The following CEP57L1 variants were observed in gnomAD, a reference collection of about 807,000 sequenced individuals.
CEP57L1 encodes centrosomal protein CEP57L1.
Under a neutral mutation model 61.0 loss-of-function variants are expected in CEP57L1, and 37 were observed. The ratio of observed to expected loss-of-function variants is 0.61; its 90% CI spans 0.47 to 0.80. CEP57L1 has a LOEUF of 0.80. Ranked by LOEUF, CEP57L1 falls within the 30% of genes least tolerant of loss-of-function variation. CEP57L1 has a pLI of 0.00. For synonymous variants in CEP57L1, 137 were observed against 162.3 expected (o/e 0.84, Z 1.19); for missense variants, 422 against 524.7 (o/e 0.80, Z 1.91).
intron 1 of CEP57L1, among the ~76,000 whole-genome samples, chr6:109,122,717 A>C (rs1313688627): frequency 6.6e-6 from 1 of 152,040 alleles, no homozygotes; most frequent in Non-Finnish European, 1.5e-5. Context: ...CAAGAGAATC[A>C]CTTGAACCCA....
At chr6:109,127,525 C>T (rs547741361) in intron 1 of CEP57L1, among the ~76,000 whole-genome samples, 104 of 152,062 alleles carry the variant, frequency 6.8e-4, no homozygotes, top group African/African-American at 2.4e-3. Context: ...TTCCCCACTT[C>T]TCTTAACATT....
chr6:109,155,679 C>A (rs977465379), intron 6 of CEP57L1, 112 bp from the exon 7 acceptor site: 3 of 629,348 alleles, frequency 4.8e-6, no homozygotes, highest in Non-Finnish European at 8.3e-6. Flanking sequence ...ATTTTCTTTT[C>A]TTTTCTTCTC....
chr6:109,161,011 C>T (rs970195749), intron 10 of CEP57L1, among the ~76,000 whole-genome samples: 2 of 152,164 alleles, frequency 1.3e-5, no homozygotes, highest in Non-Finnish European at 2.9e-5. Context: ...AGCAGCCCTC[C>T]AGTTACCCTT....
intron 10 of CEP57L1, among the ~76,000 whole-genome samples, chr6:109,161,518 G>A (rs1773718227): frequency 6.6e-6 from 1 of 151,996 alleles, no homozygotes; most frequent in Admixed American, 6.6e-5. Flanking sequence ...GCGTTTTATA[G>A]GAAAGTAATA....
chr6:109,112,913 G>A (rs1434858080), intron 1 of CEP57L1, among the ~76,000 whole-genome samples: 4 of 152,184 alleles, frequency 2.6e-5, no homozygotes, highest in African/African-American at 9.7e-5. Context: ...ATTTGCTGAG[G>A]AGTGTTTTAC....
rs188010188 is a variant in CEP57L1 at position 109,116,693 on chromosome 6, G to A, written c.-4+21118G>A. Among the ~76,000 whole-genome samples the A allele has an allele frequency of 2.4e-3, 361 of 152,238 alleles. 7 individuals carry two copies. The highest frequency in any genetic ancestry group is 7.2e-4 in the Non-Finnish European group (49 of 68,008). ...ATGGTGAGAATTGTGACCTTCAGGA[G>A]TTTTTTCTAAGTTCTAAAAATCTCC... On this transcript the variant is annotated intron_variant, in intron 1 of 10. Transcript: ENST00000517392.
Position 109,120,905 on chromosome 6 carries a change from GACACACGCACACACACACAC to G in CEP57L1, c.-3-24307_-3-24288del, listed in dbSNP as rs1265553044. On this transcript the variant is annotated intron_variant, in intron 1 of 10. Transcript: ENST00000517392. ...CAGTCTTAGAAAATTCCTATACTTA[GACACACGCACACACACACAC>G]ACACACACACACACACACACACACA... Among the ~76,000 whole-genome samples the G allele has an allele frequency of 9.3e-3, 1,197 of 128,390 alleles. 23 individuals carry two copies. The highest frequency in any genetic ancestry group is 0.036 in the African/African-American group (1,140 of 31,998). The allele number at this position is 128,390 out of a possible 152,430, so 84.2% of individuals were successfully genotyped here. A position where few individuals can be genotyped will look rare whatever the true frequency, so the allele number is the denominator to read the frequency against.
chr6:109,146,698 T>A (rs1334221493), intron 2 of CEP57L1, 60 bp from the exon 3 acceptor site: 1 of 1,135,840 alleles, frequency 8.8e-7, no homozygotes, highest in East Asian at 2.8e-5. Flanking sequence ...CTTATGTTAC[T>A]TTGATTGTAA....
intron 1 of CEP57L1, among the ~76,000 whole-genome samples, chr6:109,111,056 C>T (rs570692559): frequency 2.0e-5 from 3 of 152,028 alleles, no homozygotes; most frequent in South Asian, 2.1e-4. Context: ...TTTCCAATTC[C>T]ATGAAGAAAG....
chr6:109,132,060 T>C (rs1188009880), intron 1 of CEP57L1, among the ~76,000 whole-genome samples: 1 of 152,184 alleles, frequency 6.6e-6, no homozygotes, highest in Non-Finnish European at 1.5e-5. Context: ...TCCTGAGAAA[T>C]CCTCATCACA....
intron 1 of CEP57L1, among the ~76,000 whole-genome samples, chr6:109,134,314 C>T (rs1269316111): frequency 1.3e-5 from 2 of 152,262 alleles, no homozygotes; most frequent in African/African-American, 4.8e-5. Flanking sequence ...ACAAAAACCA[C>T]GTGGTTATCT....
rs1311019578 is a variant in CEP57L1, at chr6:109,170,406, G to A, written c.*7436G>A. Among the ~76,000 whole-genome samples, 3 of 152,114 alleles carry A rather than the reference G, an allele frequency of 2.0e-5. No individual in the cohort carries two copies. Among genetic ancestry groups the A allele is most frequent in the Non-Finnish European group, 2.9e-5 (2 of 68,002 alleles). On this transcript the variant is annotated 3_prime_UTR_variant, in exon 11 of 11. Coordinates refer to ENST00000517392, the MANE Select transcript of CEP57L1 (RefSeq NM_001271852.3). ...AAACCTTGAGAGGCATTTTGTTGTT[G>A]TTGTTGTTGTTGTTAGTTTGCCTTA...
intron 9 of CEP57L1, 32 bp from the exon 10 acceptor site, chr6:109,160,540 A>G (rs777384787): frequency 2.0e-6 from 3 of 1,513,832 alleles, no homozygotes; most frequent in South Asian, 1.2e-5. Flanking sequence ...AATAAACTAT[A>G]ATACTGCTTA....
rs1781580268 is a variant in CEP57L1 at position 109,095,514 on chromosome 6, C to G, written c.-65C>G. The G allele has an allele frequency of 1.0e-6, 1 of 985,744 alleles. No homozygotes were observed. Among genetic ancestry groups the G allele is most frequent in the African/African-American group, 1.7e-5 (1 of 57,222 alleles). The allele number at this position is 985,744 out of a possible 1,614,324, so 61.1% of individuals were successfully genotyped here. A position where few individuals can be genotyped will look rare whatever the true frequency, so the allele number is the denominator to read the frequency against. ...ACCCCCAGGGGCCACCGCGACGTTGCCTGTGGGTGCCCGCGAACCAACGGT... is the reference window on the plus strand; with the variant it reads ...ACCCCCAGGGGCCACCGCGACGTTGGCTGTGGGTGCCCGCGAACCAACGGT... On this transcript the variant is annotated 5_prime_UTR_variant, in exon 1 of 11. Transcript: ENST00000517392.
At chr6:109,128,446 A>G (rs1201649195) in intron 1 of CEP57L1, among the ~76,000 whole-genome samples, 1 of 152,094 alleles carries the variant, frequency 6.6e-6, no homozygotes, top group Admixed American at 6.5e-5. Context: ...TTTTAGACCT[A>G]TATTTTTCGT....
intron 1 of CEP57L1, among the ~76,000 whole-genome samples, chr6:109,112,626 C>A (rs183541569): frequency 2.0e-5 from 3 of 152,152 alleles, no homozygotes; most frequent in African/African-American, 7.2e-5. Context: ...TTGATCTTTC[C>A]TGCTTTCTCT....
At chr6:109,118,273 G>T (rs1172029126) in intron 1 of CEP57L1, among the ~76,000 whole-genome samples, 1 of 152,236 alleles carries the variant, frequency 6.6e-6, no homozygotes, top group Non-Finnish European at 1.5e-5. Flanking sequence ...CTGATCTCAG[G>T]TAGTCCACCT....
At chr6:109,131,316 T>G (rs1459313313) in intron 1 of CEP57L1, among the ~76,000 whole-genome samples, 1 of 152,196 alleles carries the variant, frequency 6.6e-6, no homozygotes, top group Non-Finnish European at 1.5e-5. Context: ...GTTCTGATAC[T>G]TTTTCTTATT....
intron 1 of CEP57L1, among the ~76,000 whole-genome samples, chr6:109,113,037 A>G (rs1771852435): frequency 6.6e-6 from 1 of 152,160 alleles, no homozygotes; most frequent in Non-Finnish European, 1.5e-5. Context: ...CGCTTGGTCC[A>G]GAACTGAGTT....
Sources: allele counts gnomAD v4.1 joint callset (sites outside exome capture counted in the v4.1 genomes callset), GRCh38; gene constraint gnomAD v4.1.1; transcripts MANE v1.5; gene names NCBI Gene and HGNC (gene_info 2026-07-23, HGNC 2026-07-21).